ABCB11: variants seen among roughly 807,000 people sequenced by gnomAD.
The protein encoded by ABCB11 is ATP binding cassette subfamily B member 11.
In ABCB11, 95 loss-of-function variants were observed where a neutral mutation model predicts 148.0. That is an observed-to-expected ratio of 0.64 (90% CI 0.54 to 0.76). The LOEUF is 0.76. Among genes scored for constraint, ABCB11 ranks in the 30% least tolerant of loss-of-function variants. The pLI, the probability that ABCB11 is intolerant of heterozygous loss-of-function variation, is 0.00. For synonymous variants in ABCB11, 591 were observed against 555.4 expected, an observed-to-expected ratio of 1.06 and a Z score of -0.90; for missense variants, 1,523 against 1,617.8, an observed-to-expected ratio of 0.94 and a Z score of 1.01.
chr2:168,932,233 C>G lies in ABCB11; in HGVS notation c.3213+144G>C, dbSNP rs1691602270. 7 of 669,580 alleles carry G rather than the reference C, an allele frequency of 1.0e-5. No homozygotes were observed. In the Admixed American group the frequency reaches 1.9e-4, roughly 19 times the overall value. The allele number at this position is 669,580 out of a possible 1,614,324, so 41.5% of individuals were successfully genotyped here. On this transcript the variant is annotated intron_variant, in intron 24 of 27. Transcript: ENST00000650372. ...TCCATGTGTTCTGTTTGTTCAACTC[C>G]CACTTATGAGTGAGAACATGTGGTG... is the stretch of plus-strand genomic sequence containing the variant.
intron 1 of ABCB11, among the ~76,000 whole-genome samples, chr2:169,022,891 A>G (rs1695576144): frequency 6.6e-6 from 1 of 152,172 alleles, no homozygotes; most frequent in South Asian, 2.1e-4. Context: ...TCATTTTCAT[A>G]AATGCAAAAA....
chr2:169,025,029 C>A (rs1476113237), intron 1 of ABCB11, among the ~76,000 whole-genome samples: 1 of 150,094 alleles, frequency 6.7e-6, no homozygotes, highest in African/African-American at 2.5e-5. Flanking sequence ...ATTTTTTTTT[C>A]AAAAAAACAG....
At chr2:168,982,059 T>A (rs1694152214) in intron 10 of ABCB11, among the ~76,000 whole-genome samples, 1 of 152,110 alleles carries the variant, frequency 6.6e-6, no homozygotes, top group Non-Finnish European at 1.5e-5. Flanking sequence ...AACATCCCAA[T>A]AAGCCATCAT....
rs1474611521 is a variant in ABCB11 at position 168,970,213 on chromosome 2, T to C, written c.1641A>G (p.Gln547=). 1.2e-6 allele frequency: 2 copies of C among 1,611,016 alleles called. No homozygotes were observed. The highest frequency in any genetic ancestry group is 1.7e-4 in the Middle Eastern group (1 of 6,048). ...AYNFIMDLPQ[Q]FDTLVGEGGG... ...CTCCTTCTCCAACAAGGGTGTCAAATTGCTAGATGGAAGGTGACACCAGTC... is the reference window on the plus strand; with the variant it reads ...CTCCTTCTCCAACAAGGGTGTCAAACTGCTAGATGGAAGGTGACACCAGTC... Residue 547 remains glutamine (Q), a splice_region_variant and synonymous_variant, in exon 15 of 28, where the codon CAA becomes CAG. Coordinates refer to ENST00000650372, the MANE Select transcript of ABCB11 (RefSeq NM_003742.4).
chr2:168,986,224 T>A lies in ABCB11; in HGVS notation c.969A>T (p.Gly323=), dbSNP rs1248155713. ...RWGIRKGIVM[G]FFTGFVWCLI... The stretch of plus-strand genomic sequence containing the variant: ...GACACCACACGAATCCAGTAAAGAA[T>A]CCCATCACTATTCCTTTTCTAATTC... Residue 323 remains glycine, a synonymous_variant, in exon 10 of 28, where the codon GGA becomes GGT. Transcript: ENST00000650372. The A allele has an allele frequency of 6.2e-7, 1 of 1,613,362 alleles. No homozygotes were observed. The highest frequency in any genetic ancestry group is 1.1e-5 in the South Asian group (1 of 91,070).
At position 168,935,163 on chromosome 2, in the gene ABCB11, C is replaced by T. The variant is rs1042667041; in HGVS notation, c.3056+21G>A. ...TTCCTTGTGTGTTGATCTTTTCTCA[C>T]CTTGGCTAGATATTCCTCACCTGAA... On this transcript the variant is annotated intron_variant, in intron 23 of 27. Coordinates refer to ENST00000650372, the MANE Select transcript of ABCB11 (RefSeq NM_003742.4). 3 of 1,612,888 alleles carry T rather than the reference C, an allele frequency of 1.9e-6. No homozygotes were observed. In the African/African-American group the frequency reaches 4.0e-5, roughly 22 times the overall value.
chr2:168,943,473 T>C (rs1202154023), intron 21 of ABCB11, among the ~76,000 whole-genome samples: 1 of 151,978 alleles, frequency 6.6e-6, no homozygotes, highest in Non-Finnish European at 1.5e-5. Flanking sequence ...GACATGACAG[T>C]AGATGAGAAT....
intron 12 of ABCB11, 108 bp from the exon 13 acceptor site, chr2:168,973,948 C>T (rs958813223): frequency 3.2e-6 from 4 of 1,263,782 alleles, no homozygotes; most frequent in East Asian, 2.5e-5. Context: ...TCTGTGTGTG[C>T]GTTTATGTAT....
At chr2:168,945,012 A>T in intron 19 of ABCB11, 51 bp from the exon 20 acceptor site, 3 of 1,255,580 alleles carry the variant, frequency 2.4e-6, no homozygotes, top group Non-Finnish European at 3.3e-6. Flanking sequence ...TAGAAAAATA[A>T]ATCTATTTAC....
chr2:168,935,173 A>C lies in ABCB11; in HGVS notation c.3056+11T>G. On this transcript the variant is annotated intron_variant, in intron 23 of 27. Transcript: ENST00000650372. ...GTTGATCTTTTCTCACCTTGGCTAGATATTCCTCACCTGAACACATAGCTG... is the reference window on the plus strand; with the variant it reads ...GTTGATCTTTTCTCACCTTGGCTAGCTATTCCTCACCTGAACACATAGCTG... 4 of 1,613,400 alleles carry C rather than the reference A, an allele frequency of 2.5e-6. No homozygotes were observed. In the South Asian group the frequency reaches 4.4e-5, roughly 18 times the overall value.
chr2:168,950,138 T>TACAC (rs1272002958), intron 19 of ABCB11, among the ~76,000 whole-genome samples: 363 of 102,412 alleles, frequency 3.5e-3, no homozygotes, highest in African/African-American at 7.6e-3. Flanking sequence ...CATATATATA[T>TACAC]ATACACACAC....
chr2:168,933,213 A>AT (rs1232379532), intron 23 of ABCB11, among the ~76,000 whole-genome samples: 2 of 152,062 alleles, frequency 1.3e-5, no homozygotes, highest in African/African-American at 2.4e-5. Flanking sequence ...GATTGAGTTG[A>AT]TTTTTCTAGA....
intron 11 of ABCB11, among the ~76,000 whole-genome samples, chr2:168,978,132 CTTTTTTT>C (rs35964117): frequency 7.5e-4 from 40 of 53,128 alleles, no homozygotes; most frequent in African/African-American, 2.9e-3. Context: ...AATAAATTGA[CTTTTTTT>C]TTTTTTTTTT....
chr2:168,920,500 T>G (rs1280288266), downstream of ABCB11, among the ~76,000 whole-genome samples: 1 of 152,128 alleles, frequency 6.6e-6, no homozygotes, highest in African/African-American at 2.4e-5. Context: ...TATCTTTTTG[T>G]TTTACTTTCA....
Position 168,977,058 on chromosome 2 carries a change from ATGT to A in ABCB11, c.1198-374_1198-372del, listed in dbSNP as rs1693939192. ...ATTTATTTAATTGTTATTATTTATC[ATGT>A]TGTTACTGAGATATTATATAATATG... is the stretch of plus-strand genomic sequence containing the variant. On this transcript the variant is annotated intron_variant, in intron 11 of 27. Transcript: ENST00000650372. Among the ~76,000 whole-genome samples the A allele has an allele frequency of 2.7e-5, 4 of 148,254 alleles. No individual in the cohort carries two copies. The Admixed American group carries it at 2.7e-4, about 10-fold the overall frequency.
intron 5 of ABCB11, among the ~76,000 whole-genome samples, chr2:169,007,528 C>T (rs1347071329): frequency 6.6e-6 from 1 of 152,158 alleles, no homozygotes; most frequent in Non-Finnish European, 1.5e-5. Context: ...AATTTACACT[C>T]ATACTGAAAG....
chr2:169,023,575 C>A (rs1329558184), intron 1 of ABCB11, among the ~76,000 whole-genome samples: 1 of 152,178 alleles, frequency 6.6e-6, no homozygotes, highest in African/African-American at 2.4e-5. Flanking sequence ...GGAATATTAT[C>A]TAGCCATTAA....
At chr2:168,952,029 T>C (rs1373608556) in intron 19 of ABCB11, among the ~76,000 whole-genome samples, 3 of 151,706 alleles carry the variant, frequency 2.0e-5, no homozygotes, top group Non-Finnish European at 3.0e-5. Flanking sequence ...TTATGTGATA[T>C]ATCATGTTTA....
intron 21 of ABCB11, among the ~76,000 whole-genome samples, chr2:168,937,328 C>A (rs1002854393): frequency 2.9e-4 from 44 of 152,262 alleles, no homozygotes; most frequent in African/African-American, 1.0e-3. Context: ...TGTATAAGCA[C>A]CTTTCAAGTC....
Sources: allele counts gnomAD v4.1 joint callset (sites outside exome capture counted in the v4.1 genomes callset), GRCh38; gene constraint gnomAD v4.1.1; transcripts MANE v1.5; gene names NCBI Gene and HGNC (gene_info 2026-07-23, HGNC 2026-07-21).